RAB3GAP1: variants seen among roughly 807,000 people sequenced by gnomAD.
RAB3GAP1 encodes the protein rab3 GTPase-activating protein catalytic subunit.
Under a neutral mutation model 130.7 loss-of-function variants are expected in RAB3GAP1, and 86 were observed. The observed-to-expected ratio is 0.66, with a 90% CI of 0.55 to 0.79. The LOEUF (loss-of-function observed/expected upper bound fraction) is 0.79, where lower values mean the gene tolerates loss of function less well. Ranked by LOEUF, RAB3GAP1 falls within the 30% of genes least tolerant of loss-of-function variation. The pLI, the probability that RAB3GAP1 is intolerant of heterozygous loss-of-function variation, is 0.00. For synonymous variants in RAB3GAP1, 367 were observed against 401.7 expected, an observed-to-expected ratio of 0.91 and a Z score of 1.03; for missense variants, 1,029 against 1,169.4, an observed-to-expected ratio of 0.88 and a Z score of 1.75.
chr2:135,129,634 G>A (rs1170354402), intron 11 of RAB3GAP1, among the ~76,000 whole-genome samples: 1 of 151,846 alleles, frequency 6.6e-6, no homozygotes, highest in East Asian at 1.9e-4. Context: ...TAGCAGTTGG[G>A]GAAAGATTAC....
chr2:135,173,794 C>T (rs1692929652), downstream of RAB3GAP1, among the ~76,000 whole-genome samples: 1 of 152,126 alleles, frequency 6.6e-6, no homozygotes, highest in African/African-American at 2.4e-5. Flanking sequence ...CTGTCCTGGC[C>T]CCTACTGCCA....
chr2:135,129,053 G>A (rs1045239656), intron 11 of RAB3GAP1, among the ~76,000 whole-genome samples: 4 of 152,196 alleles, frequency 2.6e-5, no homozygotes, highest in Non-Finnish European at 5.9e-5. Context: ...CCAGGAGGCT[G>A]AGGTGGGAGG....
chr2:135,114,048 T>C lies in RAB3GAP1; in HGVS notation c.482+778T>C, dbSNP rs1042612174. ...TATAGGTGTAAGCGACTGTGCCCAG[T>C]CTTAAGTAAACTCCATTAAGTTTAA... On this transcript the variant is annotated intron_variant, in intron 6 of 23. Transcript: ENST00000264158. Among the ~76,000 whole-genome samples the C allele has an allele frequency of 2.6e-5, 4 of 152,318 alleles. No individual in the cohort carries two copies. The East Asian group carries it at 5.8e-4, about 22-fold the overall frequency.
chr2:135,101,662 T>C (rs1001180664), intron 5 of RAB3GAP1, among the ~76,000 whole-genome samples: 6 of 152,248 alleles, frequency 3.9e-5, no homozygotes, highest in African/African-American at 1.2e-4. Flanking sequence ...TAAGGGACTT[T>C]TATAAAAGTG....
At chr2:135,136,646 T>C in intron 17 of RAB3GAP1, 3 of 1,112,808 alleles carry the variant, frequency 2.7e-6, no homozygotes, top group African/African-American at 1.6e-5. Context: ...TGTATGTTTT[T>C]GTTTAACTTG....
chr2:135,164,646 A>G lies in RAB3GAP1; in HGVS notation c.2659A>G (p.Arg887Gly). 1 of 1,613,522 alleles carries G rather than the reference A, an allele frequency of 6.2e-7. No homozygotes were observed. The highest frequency in any genetic ancestry group is 1.7e-5 in the Admixed American group (1 of 60,010). Residue 887 changes from arginine to glycine, a missense_variant, in exon 23 of 24, where the codon AGA becomes GGA. By Grantham distance (125) the Arg-to-Gly change is moderately radical. Coordinates refer to ENST00000264158, the MANE Select transcript of RAB3GAP1 (RefSeq NM_012233.3). ...QPEVLVTGAG[R>G]GHAGRIIHKL... ...TGAAGTGTTAGTCACCGGTGCAGGAAGAGGACATGCTGGCAGGATCATTCA... is the reference window on the plus strand; with the variant it reads ...TGAAGTGTTAGTCACCGGTGCAGGAGGAGGACATGCTGGCAGGATCATTCA...
At chr2:135,072,195 G>A (rs1689494584) in intron 3 of RAB3GAP1, among the ~76,000 whole-genome samples, 1 of 152,200 alleles carries the variant, frequency 6.6e-6, no homozygotes, top group Non-Finnish European at 1.5e-5. Flanking sequence ...ATAGGCATGA[G>A]CCACAGTGCC....
At chr2:135,154,802 A>G (rs1462914747) in intron 19 of RAB3GAP1, among the ~76,000 whole-genome samples, 2 of 152,146 alleles carry the variant, frequency 1.3e-5, no homozygotes, top group Non-Finnish European at 2.9e-5. Flanking sequence ...GTGGATGGGA[A>G]TGATGAGAAA....
At chr2:135,090,832 A>C (rs1263112123) in intron 3 of RAB3GAP1, among the ~76,000 whole-genome samples, 166 bp from the exon 4 acceptor site, 1 of 152,142 alleles carries the variant, frequency 6.6e-6, no homozygotes, top group Non-Finnish European at 1.5e-5. Flanking sequence ...CTGATAAATC[A>C]TTTATAAAAT....
At chr2:135,132,163 AAG>A in intron 13 of RAB3GAP1, among the ~76,000 whole-genome samples, 1 of 152,352 alleles carries the variant, frequency 6.6e-6, no homozygotes, top group East Asian at 1.9e-4. Context: ...TATACATAGT[AAG>A]AGGGATTACT....
chr2:135,112,077 G>A (rs1361809809), intron 5 of RAB3GAP1, among the ~76,000 whole-genome samples: 1 of 152,212 alleles, frequency 6.6e-6, no homozygotes, highest in Admixed American at 6.5e-5. Context: ...CCATATGCAT[G>A]GCCATACAAC....
intron 17 of RAB3GAP1, among the ~76,000 whole-genome samples, chr2:135,146,191 T>C (rs1240705064): frequency 6.7e-6 from 1 of 149,444 alleles, no homozygotes; most frequent in Non-Finnish European, 1.5e-5. Flanking sequence ...TATAAGTGCA[T>C]ATTTGTTCTT....
intron 3 of RAB3GAP1, among the ~76,000 whole-genome samples, chr2:135,060,294 C>G (rs1157374242): frequency 7.3e-6 from 1 of 136,410 alleles, no homozygotes; most frequent in Non-Finnish European, 1.5e-5. Context: ...GAGTCTCGCT[C>G]TGTTGCCCAG....
Position 135,169,147 on chromosome 2 carries a change from CA to C in RAB3GAP1, c.*369del, listed in dbSNP as rs1353872117. 1 of 348,854 alleles carries C rather than the reference CA, an allele frequency of 2.9e-6. No individual in the cohort carries two copies. The highest frequency in any genetic ancestry group is 6.9e-5 in the East Asian group (1 of 14,500). The allele number at this position is 348,854 out of a possible 1,614,324, so 21.6% of individuals were successfully genotyped here. ...CTAGCGGCTGCATTCGTGGTCTGTG[CA>C]AACACTTCGTGGTTCTATATATCAG... On this transcript the variant is annotated 3_prime_UTR_variant, in exon 24 of 24. Transcript: ENST00000264158.
rs200860381 is a variant in RAB3GAP1 at position 135,112,834 on chromosome 2, TCACA to T, written c.363-286_363-283del. Among the ~76,000 whole-genome samples, 3,112 of 132,380 alleles carry T rather than the reference TCACA, an allele frequency of 0.024. 91 individuals carry two copies. The highest frequency in any genetic ancestry group is 0.089 in the African/African-American group (2,734 of 30,680). 86.8% of individuals were successfully genotyped at this position (132,380 alleles called of 152,430 possible). The stretch of plus-strand genomic sequence containing the variant: ...GTCAAAGTCTCTCTCTCTCTCTCTC[TCACA>T]CACACACACACACACACACACACAC... On this transcript the variant is annotated intron_variant, in intron 5 of 23. Coordinates refer to ENST00000264158, the MANE Select transcript of RAB3GAP1 (RefSeq NM_012233.3).
At chr2:135,140,779 A>C (rs1218913829) in intron 17 of RAB3GAP1, among the ~76,000 whole-genome samples, 1 of 152,234 alleles carries the variant, frequency 6.6e-6, no homozygotes, top group Non-Finnish European at 1.5e-5. Flanking sequence ...GGTGTTTAGC[A>C]TAAACCATAT....
At chr2:135,071,417 A>G in intron 3 of RAB3GAP1, among the ~76,000 whole-genome samples, 1 of 152,214 alleles carries the variant, frequency 6.6e-6, no homozygotes, top group Non-Finnish European at 1.5e-5. Flanking sequence ...TTTTACTAAA[A>G]TAGTCACAGA....
At chr2:135,077,374 A>G (rs573515092) in intron 3 of RAB3GAP1, among the ~76,000 whole-genome samples, 1 of 150,976 alleles carries the variant, frequency 6.6e-6, no homozygotes, top group Admixed American at 6.6e-5. Context: ...GTGTTTTACA[A>G]GTTTCTGTTC....
At chr2:135,110,604 A>G (rs911596348) in intron 5 of RAB3GAP1, among the ~76,000 whole-genome samples, 1 of 152,246 alleles carries the variant, frequency 6.6e-6, no homozygotes, top group African/African-American at 2.4e-5. Flanking sequence ...GCTTGTATAC[A>G]GTGGCATTGT....
Sources: allele counts gnomAD v4.1 joint callset (sites outside exome capture counted in the v4.1 genomes callset), GRCh38; gene constraint gnomAD v4.1.1; transcripts MANE v1.5; gene names NCBI Gene and HGNC (gene_info 2026-07-23, HGNC 2026-07-21).